Variants in LRRIQ1 observed in about 807,000 individuals in gnomAD.
LRRIQ1 encodes the protein leucine-rich repeat- and IQ domain-containing protein 1.
A neutral mutation model predicts 211.9 loss-of-function variants in LRRIQ1; 210 were observed. That is an observed-to-expected ratio of 0.99 (90% CI 0.89 to 1.11). The LOEUF is 1.11. Among genes scored for constraint, LRRIQ1 ranks in the 50% most tolerant of loss-of-function variants. The probability of loss-of-function intolerance (pLI) is 0.00; values close to 1 mark genes in which losing one functional copy is unlikely to be tolerated. For missense variants in LRRIQ1, 2,136 were observed against 1,939.5 expected, an observed-to-expected ratio of 1.10 and a Z score of -1.90; for synonymous variants, 699 against 650.1, an observed-to-expected ratio of 1.08 and a Z score of -1.14.
At chr12:85,106,136 AT>A (rs1354883307) in intron 14 of LRRIQ1, among the ~76,000 whole-genome samples, 2 of 152,160 alleles carry the variant, frequency 1.3e-5, no homozygotes, top group African/African-American at 2.4e-5. Flanking sequence ...CATGCAATCT[AT>A]TTTGTTGTAT....
At chr12:85,247,054 C>A (rs1191878856), downstream of LRRIQ1, among the ~76,000 whole-genome samples, 1 of 151,446 alleles carries the variant, frequency 6.6e-6, no homozygotes, top group Non-Finnish European at 1.5e-5. Flanking sequence ...TCTTTATAAT[C>A]ATCACCTAAA....
At chr12:85,230,150 A>G (rs1029421370) in intron 25 of LRRIQ1, among the ~76,000 whole-genome samples, 6 of 152,320 alleles carry the variant, frequency 3.9e-5, no homozygotes, top group Non-Finnish European at 8.8e-5. Context: ...GGTTGAAGAT[A>G]TCAAATGTTT....
rs1880932180 is a variant in LRRIQ1, at chr12:85,055,690, C to T, written c.897C>T (p.Ala299=). ...AAGCTAAATATAAAGCATTTGTTGC[C>T]TATCAAAAATATGGCCCAATTATTA... ...KIQAKYKAFV[A]YQKYGPIIKE... The change falls in exon 8 of 27, where the codon GCC becomes GCT. Residue 299 remains alanine (A), a synonymous_variant. Transcript: ENST00000393217. 6.2e-7 allele frequency: 1 copy of T among 1,608,020 alleles called. No homozygotes were observed. Among genetic ancestry groups the T allele is most frequent in the East Asian group, 2.2e-5 (1 of 44,604 alleles).
intron 10 of LRRIQ1, among the ~76,000 whole-genome samples, chr12:85,071,919 A>AG (rs1277475020): frequency 6.6e-6 from 1 of 152,052 alleles, no homozygotes; most frequent in African/African-American, 2.4e-5. Flanking sequence ...TTACAATTCA[A>AG]GGTGAGATAT....
At position 85,253,662 on chromosome 12, in the gene LRRIQ1, G is replaced by T. The variant is rs184998571; in HGVS notation, c.121+8753G>T. On this transcript the variant is annotated intron_variant, in intron 1 of 1. Transcript: ENST00000602731. ...TTTACAGTTTTACATAAAATAGTAG[G>T]CCAAAGATGTAGACAGATAGTTCAA... Among the ~76,000 whole-genome samples the T allele has an allele frequency of 3.0e-4, 45 of 152,092 alleles. No individual in the cohort carries two copies. The East Asian group carries it at 8.1e-3, about 28-fold the overall frequency.
intron 18 of LRRIQ1, among the ~76,000 whole-genome samples, chr12:85,136,246 C>A (rs149090308): frequency 6.6e-6 from 1 of 151,954 alleles, no homozygotes; most frequent in East Asian, 1.9e-4. Context: ...AAAAAATGGG[C>A]TACTCAGAGT....
At chr12:85,038,442 A>G (rs1364450973) in intron 2 of LRRIQ1, 134 bp downstream of exon 2, 2 of 413,758 alleles carry the variant, frequency 4.8e-6, no homozygotes, top group Non-Finnish European at 7.4e-6. Context: ...TATAAATTAT[A>G]TTGAATATAT....
At chr12:85,187,088 A>G (rs1211756403) in intron 24 of LRRIQ1, among the ~76,000 whole-genome samples, 3 of 152,124 alleles carry the variant, frequency 2.0e-5, no homozygotes, top group Non-Finnish European at 4.4e-5. Flanking sequence ...TATTATTATG[A>G]TAATGATATT....
chr12:85,201,540 A>T (rs576207022), intron 24 of LRRIQ1, among the ~76,000 whole-genome samples: 2 of 151,974 alleles, frequency 1.3e-5, no homozygotes, highest in South Asian at 4.2e-4. Context: ...CGAGGACTTT[A>T]TCCATTTCCT....
chr12:85,063,740 A>T (rs1342104151), intron 8 of LRRIQ1, among the ~76,000 whole-genome samples: 1 of 151,638 alleles, frequency 6.6e-6, no homozygotes, highest in Non-Finnish European at 1.5e-5. Flanking sequence ...TTCTAATCCT[A>T]TGAGTTCAAT....
downstream of LRRIQ1, among the ~76,000 whole-genome samples, chr12:85,249,673 A>G (rs1184445065): frequency 6.6e-6 from 1 of 151,768 alleles, no homozygotes; most frequent in East Asian, 1.9e-4. Flanking sequence ...CATTGTTGCT[A>G]CTCTCCTATA....
intron 15 of LRRIQ1, among the ~76,000 whole-genome samples, chr12:85,112,893 T>A (rs1887287695): frequency 6.6e-6 from 1 of 152,168 alleles, no homozygotes; most frequent in African/African-American, 2.4e-5. Flanking sequence ...TTTTCTTGCC[T>A]CTTATTTAAT....
chr12:85,139,752 A>T (rs1889386337), intron 19 of LRRIQ1, among the ~76,000 whole-genome samples: 2 of 151,430 alleles, frequency 1.3e-5, no homozygotes, highest in Non-Finnish European at 3.0e-5. Context: ...GCATAATCAT[A>T]CCTTAATCAA....
chr12:85,066,892 C>A lies in LRRIQ1; in HGVS notation c.2689C>A (p.Arg897=). ...CLELSYNKIT[R]IGYSFFLEEK... is the part of the protein sequence containing the mutation. ...TGAACTTTCATATAATAAAATTACT[C>A]GAATTGGTAAGAACAATGAAATTTT... The change falls in exon 10 of 27, where the codon CGA becomes AGA. Residue 897 remains arginine (R), a synonymous_variant. Transcript: ENST00000393217. The A allele has an allele frequency of 6.8e-7, 1 of 1,478,692 alleles. No homozygotes were observed. The highest frequency in any genetic ancestry group is 9.2e-7 in the Non-Finnish European group (1 of 1,087,620). 91.6% of individuals were successfully genotyped at this position (1,478,692 alleles called of 1,614,324 possible). A position where few individuals can be genotyped will look rare whatever the true frequency, so the allele number is the denominator to read the frequency against.
At chr12:85,067,330 T>C (rs2136071325) in intron 10 of LRRIQ1, among the ~76,000 whole-genome samples, 1 of 152,030 alleles carries the variant, frequency 6.6e-6, no homozygotes, top group East Asian at 1.9e-4. Context: ...TTAGATAAAG[T>C]TGCTAAAACC....
chr12:85,175,002 A>G (rs1449858605), intron 24 of LRRIQ1, among the ~76,000 whole-genome samples: 2 of 152,140 alleles, frequency 1.3e-5, no homozygotes, highest in African/African-American at 4.8e-5. Context: ...GAATTTCCCA[A>G]CAGTAGCCTT....
chr12:85,074,197 A>G lies in LRRIQ1; in HGVS notation c.2887+1099A>G, dbSNP rs972037326. ...TGAATGTATCAATCTTTTTAAGGCA[A>G]TTTATTTGAAATTAGTTATGAATGT... On this transcript the variant is annotated intron_variant, in intron 11 of 26. Coordinates refer to ENST00000393217, the MANE Select transcript of LRRIQ1 (RefSeq NM_001079910.2). 2.6e-5 allele frequency among the ~76,000 whole-genome samples: 4 copies of G among 152,148 alleles called. No homozygotes were observed. In the East Asian group the frequency reaches 7.7e-4, roughly 29 times the overall value.
intron 15 of LRRIQ1, among the ~76,000 whole-genome samples, chr12:85,120,866 A>G (rs1440996686): frequency 6.6e-6 from 1 of 152,238 alleles, no homozygotes; most frequent in Non-Finnish European, 1.5e-5. Context: ...TAGTAGTTCT[A>G]AATGGCTGAG....
rs535979490 is a variant in LRRIQ1 at position 85,155,936 on chromosome 12, G to A, written c.4720+1842G>A. ...TAAAAATCATTGCTTTAATGGCCAC[G>A]ACTAGAGATAATTATCAGGCAAAAA... On this transcript the variant is annotated intron_variant, in intron 23 of 26. Transcript: ENST00000393217. Among the ~76,000 whole-genome samples the A allele has an allele frequency of 7.3e-5, 11 of 151,616 alleles. No homozygotes were observed. In the South Asian group the frequency reaches 1.7e-3, roughly 23 times the overall value.
Sources: allele counts gnomAD v4.1 joint callset (sites outside exome capture counted in the v4.1 genomes callset), GRCh38; gene constraint gnomAD v4.1.1; transcripts MANE v1.5; gene names NCBI Gene and HGNC (gene_info 2026-07-23, HGNC 2026-07-21).